DNAH3: variants seen among roughly 807,000 people sequenced by gnomAD.
The protein encoded by DNAH3 is dynein axonemal heavy chain 3, also known as axonemal beta dynein heavy chain 3.
In DNAH3, 332 loss-of-function variants were observed where a neutral mutation model predicts 432.5. The observed-to-expected ratio is 0.77, with a 90% CI of 0.70 to 0.84. The LOEUF (loss-of-function observed/expected upper bound fraction) is 0.84, where lower values mean the gene tolerates loss of function less well. Ranked by LOEUF, DNAH3 falls within the 40% of genes least tolerant of loss-of-function variation. The pLI is 0.00. For missense variants in DNAH3, 4,861 were observed against 5,114.0 expected (o/e 0.95, Z 1.51); for synonymous variants, 1,956 against 1,900.2 (o/e 1.03, Z -0.76).
intron 51 of DNAH3, 140 bp from the exon 52 acceptor site, chr16:20,970,130 G>A (rs1421498853): frequency 1.3e-6 from 1 of 786,580 alleles, no homozygotes; most frequent in Non-Finnish European, 2.1e-6. Flanking sequence ...GCCTGCCGCT[G>A]GAGCTGGACA....
intron 44 of DNAH3, among the ~76,000 whole-genome samples, chr16:20,991,264 CTTTTT>C (rs568000107): frequency 6.9e-6 from 1 of 145,838 alleles, no homozygotes; most frequent in Admixed American, 6.9e-5. Context: ...AACCACATGC[CTTTTT>C]TTTTTTCTTT....
At chr16:21,084,765 G>A (rs1029578283) in intron 19 of DNAH3, among the ~76,000 whole-genome samples, 1 of 152,062 alleles carries the variant, frequency 6.6e-6, no homozygotes, top group African/African-American at 2.4e-5. Flanking sequence ...GAGCTACCTC[G>A]CTTGGCCTGG....
chr16:21,003,127 C>T, exon 42 of DNAH3: 2 of 1,612,018 alleles, frequency 1.2e-6, no homozygotes, highest in Non-Finnish European at 1.7e-6. Flanking sequence ...GGAACTTTTT[C>T]CTCCTCTTTG....
chr16:21,141,572 T>A (rs1314974447), intron 3 of DNAH3, among the ~76,000 whole-genome samples, 200 bp from the exon 5 acceptor site: 1 of 152,214 alleles, frequency 6.6e-6, no homozygotes, highest in Admixed American at 6.5e-5. Context: ...ACTGGCTTCA[T>A]CACTCCGGAC....
exon 13 of DNAH3, chr16:21,112,095 A>G (rs764952132): frequency 6.2e-7 from 1 of 1,600,006 alleles, no homozygotes; most frequent in Non-Finnish European, 8.6e-7. Flanking sequence ...AGACATTTAA[A>G]TATCTTCCAT....
Position 20,952,877 on chromosome 16 carries a change from G to T in DNAH3, c.11072-328C>A, listed in dbSNP as rs568622917. Among the ~76,000 whole-genome samples, 3 of 152,216 alleles carry T rather than the reference G, an allele frequency of 2.0e-5. No homozygotes were observed. The East Asian group carries it at 5.8e-4, about 29-fold the overall frequency. On this transcript the variant is annotated intron_variant, in intron 55 of 61. Transcript: ENST00000261383. The stretch of plus-strand genomic sequence containing the variant: ...TGCACGGAGCTCCAAAAATAACACC[G>T]CGGCATGGCTAGACAGCAGGAGCTA...
At chr16:20,964,390 G>T (rs2084957059) in exon 53 of DNAH3, 1 of 1,613,992 alleles carries the variant, frequency 6.2e-7, no homozygotes, top group Non-Finnish European at 8.5e-7. Context: ...AAAATCCCTG[G>T]AATATTCAAT....
intron 60 of DNAH3, 41 bp from the exon 61 acceptor site, chr16:20,935,526 A>T (rs751917183): frequency 2.5e-6 from 4 of 1,595,344 alleles, no homozygotes; most frequent in Non-Finnish European, 3.4e-6. Context: ...TCAACAACAC[A>T]TCAAAGATAG....
At chr16:21,122,036 A>G in exon 10 of DNAH3, 1 of 1,613,824 alleles carries the variant, frequency 6.2e-7, no homozygotes, top group South Asian at 1.1e-5. Context: ...GAAGACAATA[A>G]TGGGTTCACT....
intron 6 of DNAH3, 52 bp downstream of exon 7, chr16:21,136,272 G>A (rs1227630227): frequency 4.0e-6 from 6 of 1,509,422 alleles, no homozygotes; most frequent in Non-Finnish European, 5.5e-6. Flanking sequence ...TAAAAAAGAA[G>A]GTGCCCTCTA....
At chr16:21,053,731 C>A (rs922973529) in intron 28 of DNAH3, among the ~76,000 whole-genome samples, 1 of 152,140 alleles carries the variant, frequency 6.6e-6, no homozygotes, top group East Asian at 1.9e-4. Context: ...GCAAGAGACT[C>A]TGTTCCCAAG....
intron 7 of DNAH3, chr16:21,130,258 T>A (rs1366666472): frequency 1.3e-5 from 2 of 151,472 alleles, no homozygotes; most frequent in African/African-American, 4.9e-5. Context: ...AGCGGCTGGA[T>A]AAGGAAGAGC....
chr16:20,989,998 GC>G (rs1230586502), intron 44 of DNAH3, among the ~76,000 whole-genome samples: 4 of 152,234 alleles, frequency 2.6e-5, no homozygotes, highest in Admixed American at 2.6e-4. Context: ...GCCGCGCGCA[GC>G]CCCGGTTCCC....
chr16:21,154,494 T>C (rs1172143217), intron 1 of DNAH3, among the ~76,000 whole-genome samples: 1 of 152,200 alleles, frequency 6.6e-6, no homozygotes, highest in Non-Finnish European at 1.5e-5. Flanking sequence ...ATCTGAAATT[T>C]AGTGTGTTTT....
chr16:21,000,614 C>T (rs140064148), intron 42 of DNAH3, 96 bp from the exon 43 acceptor site: 1 of 1,126,204 alleles, frequency 8.9e-7, no homozygotes, highest in East Asian at 2.4e-5. Flanking sequence ...TAGCTCCATC[C>T]CTTACTATCT....
chr16:20,990,327 GTCTAA>G (rs1310762501), intron 44 of DNAH3, among the ~76,000 whole-genome samples: 4 of 152,114 alleles, frequency 2.6e-5, no homozygotes, highest in African/African-American at 4.8e-5. Context: ...CTATGTATCT[GTCTAA>G]TCTATAATTG....
chr16:21,105,137 G>A (rs1469574557), intron 15 of DNAH3, among the ~76,000 whole-genome samples: 1 of 152,132 alleles, frequency 6.6e-6, no homozygotes, highest in Non-Finnish European at 1.5e-5. Context: ...CACAGTGAGA[G>A]TCCACGGTGT....
chr16:21,126,680 C>T (rs2092451860), intron 8 of DNAH3, among the ~76,000 whole-genome samples: 8 of 152,158 alleles, frequency 5.3e-5, no homozygotes, highest in Admixed American at 5.2e-4. Flanking sequence ...CCAGGCTGCA[C>T]AGCAGGAGGT....
chr16:21,059,017 A>T (rs187741915), intron 26 of DNAH3, among the ~76,000 whole-genome samples: 7 of 152,306 alleles, frequency 4.6e-5, no homozygotes, highest in South Asian at 2.1e-4. Context: ...AATAAAATTT[A>T]AAAAAATTTA....
Sources: gnomAD v4.1 joint callset for allele counts (sites outside exome capture counted in the v4.1 genomes callset) on GRCh38, gnomAD v4.1.1 for gene constraint, MANE v1.5 for transcripts, NCBI Gene and HGNC (gene_info 2026-07-23, HGNC 2026-07-21) for gene names.